Variants in PLXNC1 observed in about 807,000 individuals in gnomAD.
PLXNC1 encodes plexin-C1.
PLXNC1 carries 75 observed loss-of-function variants against 178.2 expected under a neutral mutation model. The observed-to-expected ratio is 0.42, with a 90% CI of 0.35 to 0.51. The LOEUF is 0.51. Ranked by LOEUF, PLXNC1 falls within the 20% of genes least tolerant of loss-of-function variation. PLXNC1 has a pLI of 0.02. For missense variants in PLXNC1, 1,503 were observed against 1,984.4 expected, an observed-to-expected ratio of 0.76 and a Z score of 4.61; for synonymous variants, 790 against 779.9, an observed-to-expected ratio of 1.01 and a Z score of -0.22.
intron 12 of PLXNC1, 55 bp downstream of exon 12, chr12:94,244,080 C>A: frequency 9.6e-7 from 1 of 1,039,338 alleles, no homozygotes; most frequent in Non-Finnish European, 1.5e-6. Flanking sequence ...GTTCTATTTT[C>A]ATCACACTAT....
At chr12:94,177,628 G>A (rs1015015676) in intron 2 of PLXNC1, among the ~76,000 whole-genome samples, 3 of 151,844 alleles carry the variant, frequency 2.0e-5, no homozygotes, top group Non-Finnish European at 2.9e-5. Flanking sequence ...GAAAGGAAAG[G>A]AAAAGCTTCC....
At chr12:94,210,008 G>T (rs1249635244) in intron 5 of PLXNC1, among the ~76,000 whole-genome samples, 2 of 152,188 alleles carry the variant, frequency 1.3e-5, no homozygotes, top group African/African-American at 2.4e-5. Context: ...TTCTAATGTT[G>T]TAGAAATACA....
At chr12:94,165,769 T>A (rs561874134) in intron 1 of PLXNC1, among the ~76,000 whole-genome samples, 1 of 152,154 alleles carries the variant, frequency 6.6e-6, no homozygotes, top group South Asian at 2.1e-4. Context: ...CTCTTTTCTT[T>A]CCCCTGCACC....
chr12:94,256,936 C>T (rs1328801679), intron 17 of PLXNC1, among the ~76,000 whole-genome samples: 2 of 150,422 alleles, frequency 1.3e-5, no homozygotes, highest in African/African-American at 2.4e-5. Context: ...TGATTTAACT[C>T]AGTGTTGTGT....
At chr12:94,301,392 T>C (rs866267054) in intron 28 of PLXNC1, among the ~76,000 whole-genome samples, 32 of 152,346 alleles carry the variant, frequency 2.1e-4, no homozygotes, top group African/African-American at 6.0e-4. Flanking sequence ...GAAATTTGCC[T>C]AAATCAATTC....
At chr12:94,226,441 G>C (rs1963941080) in intron 7 of PLXNC1, 164 bp from the exon 8 acceptor site, 3 of 559,682 alleles carry the variant, frequency 5.4e-6, no homozygotes, top group Non-Finnish European at 9.6e-6. Flanking sequence ...CAACCTGAGG[G>C]CTTCCAAGAG....
chr12:94,253,895 T>G (rs574954227), intron 15 of PLXNC1, among the ~76,000 whole-genome samples: 6 of 152,162 alleles, frequency 3.9e-5, no homozygotes, highest in Admixed American at 1.3e-4. Flanking sequence ...CCCAGGCTGA[T>G]CTCAAACCCC....
chr12:94,196,154 C>CT (rs1467410840), intron 4 of PLXNC1, among the ~76,000 whole-genome samples: 1 of 152,156 alleles, frequency 6.6e-6, no homozygotes, highest in Non-Finnish European at 1.5e-5. Context: ...TCTGTTCTGT[C>CT]ATCATGAGAG....
At chr12:94,289,485 T>A (rs1967057524) in intron 23 of PLXNC1, among the ~76,000 whole-genome samples, 1 of 152,192 alleles carries the variant, frequency 6.6e-6, no homozygotes, top group Non-Finnish European at 1.5e-5. Flanking sequence ...TCTAGTGACA[T>A]TAATCTTTCT....
intron 5 of PLXNC1, among the ~76,000 whole-genome samples, chr12:94,215,337 A>G (rs1464409105): frequency 6.6e-6 from 1 of 152,198 alleles, no homozygotes; most frequent in Non-Finnish European, 1.5e-5. Flanking sequence ...CATGTTCTAC[A>G]TTTCTTGGTG....
At chr12:94,169,623 T>G (rs1961765552) in intron 2 of PLXNC1, among the ~76,000 whole-genome samples, 1 of 152,174 alleles carries the variant, frequency 6.6e-6, no homozygotes. Flanking sequence ...CATGTAACCT[T>G]TTAGTTCTAG....
In PLXNC1 at chr12:94,305,383, A is replaced by G; in HGVS notation, c.*98A>G. The G allele has an allele frequency of 1.4e-6, 1 of 697,418 alleles. No individual in the cohort carries two copies. Among genetic ancestry groups the G allele is most frequent in the Non-Finnish European group, 2.5e-6 (1 of 399,524 alleles). The allele number at this position is 697,418 out of a possible 1,614,324, so 43.2% of individuals were successfully genotyped here. On this transcript the variant is annotated 3_prime_UTR_variant, in exon 31 of 31. Transcript: ENST00000258526. ...TCTGTGTCGTTAATTTGTTGTTTGC[A>G]CATAGGTTCCACTTTGGGCACTGTC...
At chr12:94,180,725 CTGTA>C (rs1962274730) in intron 2 of PLXNC1, among the ~76,000 whole-genome samples, 1 of 152,346 alleles carries the variant, frequency 6.6e-6, no homozygotes, top group Admixed American at 6.5e-5. Context: ...TCACTTCTAA[CTGTA>C]TGATGATCAG....
At chr12:94,201,187 G>T (rs1245716249) in intron 4 of PLXNC1, among the ~76,000 whole-genome samples, 3 of 152,190 alleles carry the variant, frequency 2.0e-5, no homozygotes. Flanking sequence ...AGGTATGAAA[G>T]GACTCCAAAG....
chr12:94,300,808 T>C, intron 27 of PLXNC1, 102 bp from the exon 28 acceptor site: 1 of 1,093,502 alleles, frequency 9.1e-7, no homozygotes, highest in Non-Finnish European at 1.3e-6. Flanking sequence ...GTTGTATACT[T>C]CAATAACAAG....
At chr12:94,171,285 G>A (rs764884051) in intron 2 of PLXNC1, among the ~76,000 whole-genome samples, 1 of 152,156 alleles carries the variant, frequency 6.6e-6, no homozygotes, top group Non-Finnish European at 1.5e-5. Context: ...ATCTGTATGG[G>A]GTACCCATTC....
At chr12:94,188,947 G>A (rs536772600) in intron 4 of PLXNC1, among the ~76,000 whole-genome samples, 47 of 151,854 alleles carry the variant, frequency 3.1e-4, no homozygotes, top group Non-Finnish European at 6.0e-4. Flanking sequence ...ATGAGGTGAG[G>A]GAGGAAGCAC....
At chr12:94,301,182 G>A in intron 28 of PLXNC1, 125 bp downstream of exon 28, 2 of 622,840 alleles carry the variant, frequency 3.2e-6, no homozygotes, top group Non-Finnish European at 5.1e-6. Context: ...GATAGCAAGG[G>A]CCACTGTCAA....
intron 1 of PLXNC1, 133 bp from the exon 2 acceptor site, chr12:94,169,020 C>G (rs911291341): frequency 1.9e-5 from 15 of 801,232 alleles, no homozygotes; most frequent in African/African-American, 1.4e-4. Context: ...GGAATCTAGT[C>G]TAAGAGAATA....
Sources: gnomAD v4.1 joint callset for allele counts (sites outside exome capture counted in the v4.1 genomes callset) on GRCh38, gnomAD v4.1.1 for gene constraint, MANE v1.5 for transcripts, NCBI Gene and HGNC (gene_info 2026-07-23, HGNC 2026-07-21) for gene names.